The following RANBP2 variants were observed in gnomAD, a reference collection of about 807,000 sequenced individuals.
The protein encoded by RANBP2 is RAN binding protein 2.
A neutral mutation model predicts 303.6 loss-of-function variants in RANBP2; 57 were observed. That is an observed-to-expected ratio of 0.19 (90% CI 0.15 to 0.23). The LOEUF is 0.23. RANBP2 is among the 10% of genes least tolerant of loss of function. The pLI is 1.00. For synonymous variants in RANBP2, 1,167 were observed against 1,301.5 expected, an observed-to-expected ratio of 0.90 and a Z score of 2.23; for missense variants, 3,138 against 3,780.8, an observed-to-expected ratio of 0.83 and a Z score of 4.46.
At chr2:108,990,627 G>A in the RANBP2 span, among the ~76,000 whole-genome samples, 8 of 151,792 alleles carry the variant, frequency 5.3e-5, no homozygotes, top group Non-Finnish European at 1.2e-4. Context: ...GAAAAAAGCA[G>A]ACAGAAATGT....
chr2:109,224,555 G>A, the RANBP2 span, among the ~76,000 whole-genome samples: 1 of 152,202 alleles, frequency 6.6e-6, no homozygotes, highest in Non-Finnish European at 1.5e-5. Context: ...GGCTCAGGAA[G>A]TGGCTTTTAA....
At chr2:109,301,101 T>G in the RANBP2 span, among the ~76,000 whole-genome samples, 2 of 152,226 alleles carry the variant, frequency 1.3e-5, no homozygotes, top group African/African-American at 4.8e-5. Flanking sequence ...TAATCATTGC[T>G]ATTTTAATAC....
At chr2:109,556,025 T>C in the RANBP2 span, among the ~76,000 whole-genome samples, 2 of 152,332 alleles carry the variant, frequency 1.3e-5, no homozygotes, top group Non-Finnish European at 2.9e-5. Context: ...TGAAGCCTCA[T>C]TCATCTCTGT....
chr2:109,133,429 A>C, the RANBP2 span, among the ~76,000 whole-genome samples: 7 of 152,242 alleles, frequency 4.6e-5, no homozygotes, highest in Admixed American at 4.6e-4. Context: ...ATTTTATTTT[A>C]TAAGCATACA....
chr2:109,087,082 G>A, the RANBP2 span, among the ~76,000 whole-genome samples: 1 of 152,196 alleles, frequency 6.6e-6, no homozygotes, highest in South Asian at 2.1e-4. Context: ...TGAAGACAAG[G>A]CGAATGAACT....
chr2:109,734,773 A>C, the RANBP2 span, among the ~76,000 whole-genome samples: 1 of 152,264 alleles, frequency 6.6e-6, no homozygotes, highest in Non-Finnish European at 1.5e-5. Context: ...AAAACAGAAT[A>C]GCATTGGCAT....
chr2:109,130,395 C>G, the RANBP2 span, among the ~76,000 whole-genome samples: 1 of 152,236 alleles, frequency 6.6e-6, no homozygotes, highest in Non-Finnish European at 1.5e-5. Flanking sequence ...TACCCTGCCT[C>G]TTAAACTTAG....
At chr2:109,053,426 A>G in the RANBP2 span, among the ~76,000 whole-genome samples, 2 of 152,218 alleles carry the variant, frequency 1.3e-5, no homozygotes, top group Non-Finnish European at 2.9e-5. Flanking sequence ...GTTCTGCCCC[A>G]GTCCCCCATA....
At chr2:109,446,924 C>G in the RANBP2 span, among the ~76,000 whole-genome samples, 1 of 151,958 alleles carries the variant, frequency 6.6e-6, no homozygotes, top group Non-Finnish European at 1.5e-5. Flanking sequence ...TGTCACCCCC[C>G]TTCCAGGGAC....
chr2:109,604,464 G>A, the RANBP2 span, among the ~76,000 whole-genome samples: 1 of 149,600 alleles, frequency 6.7e-6, no homozygotes, highest in Non-Finnish European at 1.5e-5. Flanking sequence ...TGGTGGCTGA[G>A]GCCTGTAATC....
the RANBP2 span, among the ~76,000 whole-genome samples, chr2:108,983,170 G>A: frequency 6.6e-5 from 10 of 152,140 alleles, no homozygotes; most frequent in African/African-American, 2.4e-4. Flanking sequence ...TGCAGAGGAT[G>A]CCGCATGTCA....
At chr2:109,082,852 G>A in the RANBP2 span, among the ~76,000 whole-genome samples, 1 of 143,974 alleles carries the variant, frequency 6.9e-6, no homozygotes, top group Non-Finnish European at 1.5e-5. Context: ...TTGAGACGGA[G>A]TCTCACTCTG....
chr2:108,783,768 A>G lies in RANBP2; in HGVS notation c.9542A>G (p.His3181Arg). The stretch of plus-strand genomic sequence containing the variant: ...GTTATAACACTGAAGAAAGCAGAAC[A>G]TTTGGACTTTAAGCATGTAGTATTT... The part of the protein sequence containing the change: ...QFVITLKKAE[H>R]LDFKHVVFGF... The change falls in exon 29 of 29, where the codon CAT (histidine) becomes CGT (arginine). Residue 3181 changes from histidine (H) to arginine (R), a missense_variant. Around this residue, in one of 20 missense-constraint regions of RANBP2, gnomAD observed 204 missense variants for 228.4 expected, o/e 0.89. Coordinates refer to ENST00000283195, the MANE Select transcript of RANBP2 (RefSeq NM_006267.5). 6.2e-7 allele frequency: 1 copy of G among 1,613,150 alleles called. No individual in the cohort carries two copies.
At chr2:109,657,037 T>C in the RANBP2 span, among the ~76,000 whole-genome samples, 1 of 152,200 alleles carries the variant, frequency 6.6e-6, no homozygotes. Flanking sequence ...AAATCCATGA[T>C]ATGATTGGAA....
chr2:109,005,587 G>A, the RANBP2 span, among the ~76,000 whole-genome samples: 6 of 152,210 alleles, frequency 3.9e-5, no homozygotes, highest in South Asian at 4.1e-4. Context: ...CTTCCCCCTC[G>A]TCTGGCACGT....
the RANBP2 span, among the ~76,000 whole-genome samples, chr2:109,404,727 G>A: frequency 2.0e-5 from 3 of 152,022 alleles, no homozygotes; most frequent in African/African-American, 7.3e-5. Flanking sequence ...TTCTCTCATT[G>A]ACCTACTGCT....
At chr2:108,972,961 A>C in the RANBP2 span, among the ~76,000 whole-genome samples, 1 of 152,156 alleles carries the variant, frequency 6.6e-6, no homozygotes, top group Admixed American at 6.5e-5. Flanking sequence ...AGGTCTCAGC[A>C]GGTGTTTATT....
the RANBP2 span, among the ~76,000 whole-genome samples, chr2:109,499,500 G>A: frequency 1.3e-5 from 2 of 152,188 alleles, no homozygotes; most frequent in African/African-American, 4.8e-5. Context: ...AGGGCTGGGG[G>A]TGCAGGGGCC....
chr2:109,629,355 ATTTTT>A, the RANBP2 span, among the ~76,000 whole-genome samples: 6 of 15,374 alleles, frequency 3.9e-4, no homozygotes, highest in South Asian at 2.8e-3. Flanking sequence ...ATATATATAT[ATTTTT>A]TTTTTTTTTT....
Sources: gnomAD v4.1 joint callset for allele counts (sites outside exome capture counted in the v4.1 genomes callset) on GRCh38, gnomAD v4.1.1 for gene constraint, gnomAD v4.1.1 regional missense constraint, MANE v1.5 for transcripts, NCBI Gene and HGNC (gene_info 2026-07-23, HGNC 2026-07-21) for gene names.